Variants in TBX15 observed in about 807,000 individuals in gnomAD.
TBX15 encodes the protein T-box transcription factor 15, also known as T-box transcription factor TBX15.
In TBX15, 18 loss-of-function variants were observed where a neutral mutation model predicts 53.9. That is an observed-to-expected ratio of 0.33 (90% CI 0.23 to 0.49). TBX15 has a LOEUF of 0.49. Ranked by LOEUF, TBX15 falls within the 20% of genes least tolerant of loss-of-function variation. The probability of loss-of-function intolerance (pLI) is 0.98; values close to 1 mark genes in which losing one functional copy is unlikely to be tolerated. For missense variants in TBX15, 692 were observed against 749.5 expected (o/e 0.92, Z 0.90); for synonymous variants, 295 against 278.0 (o/e 1.06, Z -0.61).
At chr1:118,916,026 T>C (rs1655208424) in intron 5 of TBX15, among the ~76,000 whole-genome samples, 1 of 152,208 alleles carries the variant, frequency 6.6e-6, no homozygotes, top group African/African-American at 2.4e-5. Context: ...TTAGGGAGCT[T>C]TATGAAGAGA....
chr1:118,982,501 A>G (rs189122719), intron 1 of TBX15, among the ~76,000 whole-genome samples: 4 of 152,214 alleles, frequency 2.6e-5, no homozygotes, highest in Admixed American at 6.5e-5. Context: ...CTTGTGGCCT[A>G]ATATGAGGGT....
In TBX15 at chr1:118,987,950, C is replaced by T. The variant is rs376544041; in HGVS notation, c.-155G>A. 190 of 869,832 alleles carry T rather than the reference C, an allele frequency of 2.2e-4. No homozygotes were observed. The African/African-American group carries it at 2.6e-3, about 12-fold the overall frequency. The allele number at this position is 869,832 out of a possible 1,614,324, so 53.9% of individuals were successfully genotyped here. ...GGCTCGCGGGTCTCTCCACCCTCCC[C>T]CTGCGTCCTCCTCCGCCCTCCTCTG... is the stretch of plus-strand genomic sequence containing the variant. On this transcript the variant is annotated 5_prime_UTR_variant, in exon 1 of 8. Coordinates refer to ENST00000369429, the MANE Select transcript of TBX15 (RefSeq NM_001330677.2).
intron 5 of TBX15, among the ~76,000 whole-genome samples, chr1:118,919,061 T>C (rs1479118235): frequency 6.6e-6 from 1 of 152,198 alleles, no homozygotes; most frequent in Non-Finnish European, 1.5e-5. Context: ...AGAAATCCTA[T>C]TGGATTTGCT....
intron 1 of TBX15, among the ~76,000 whole-genome samples, chr1:118,958,487 T>C (rs186149881): frequency 2.0e-4 from 30 of 152,342 alleles, no homozygotes; most frequent in Non-Finnish European, 3.7e-4. Flanking sequence ...ATCACGCCAA[T>C]ATTTTGATGT....
chr1:118,885,888 C>T (rs1440182196), intron 7 of TBX15, among the ~76,000 whole-genome samples: 1 of 152,222 alleles, frequency 6.6e-6, no homozygotes, highest in African/African-American at 2.4e-5. Flanking sequence ...CCTCTGATGT[C>T]AGCATTAAAA....
At chr1:118,980,163 C>A (rs1657599854) in intron 1 of TBX15, among the ~76,000 whole-genome samples, 1 of 151,980 alleles carries the variant, frequency 6.6e-6, no homozygotes, top group South Asian at 2.1e-4. Flanking sequence ...TTTCATCGTG[C>A]GTGGAGGAAA....
chr1:118,945,514 A>T (rs1173008652), intron 1 of TBX15, among the ~76,000 whole-genome samples: 1 of 152,140 alleles, frequency 6.6e-6, no homozygotes, highest in African/African-American at 2.4e-5. Context: ...GCTTTTTCTC[A>T]ATTGACCCCA....
chr1:118,959,715 G>A (rs991446227), intron 1 of TBX15, among the ~76,000 whole-genome samples: 3 of 152,198 alleles, frequency 2.0e-5, no homozygotes, highest in East Asian at 1.9e-4. Context: ...TTCAGTGAGC[G>A]AGGGGAGCTA....
intron 1 of TBX15, among the ~76,000 whole-genome samples, chr1:118,977,059 C>T (rs988108951): frequency 2.6e-5 from 4 of 152,076 alleles, no homozygotes; most frequent in African/African-American, 9.7e-5. Context: ...TTTATTATTC[C>T]AATTTCATAG....
chr1:118,886,639 T>C (rs1180611138), intron 7 of TBX15, among the ~76,000 whole-genome samples: 1 of 152,200 alleles, frequency 6.6e-6, no homozygotes, highest in Non-Finnish European at 1.5e-5. Context: ...ACAACCCAAA[T>C]TCCTCATTTC....
At chr1:118,888,831 C>G (rs542241222) in intron 7 of TBX15, among the ~76,000 whole-genome samples, 1 of 151,650 alleles carries the variant, frequency 6.6e-6, no homozygotes, top group African/African-American at 2.4e-5. Context: ...TGACTTCCTA[C>G]AACTCTAAAT....
intron 6 of TBX15, among the ~76,000 whole-genome samples, chr1:118,911,533 A>C (rs989763577): frequency 6.6e-6 from 1 of 152,222 alleles, no homozygotes. Context: ...CAGCACTTGA[A>C]CTGAGATGTC....
At chr1:118,952,122 G>A (rs1225761591) in intron 1 of TBX15, among the ~76,000 whole-genome samples, 2 of 152,168 alleles carry the variant, frequency 1.3e-5, no homozygotes, top group African/African-American at 4.8e-5. Flanking sequence ...ATGAAGGCCT[G>A]TGATAATCCA....
chr1:118,936,684 C>A (rs1655982052), intron 1 of TBX15, among the ~76,000 whole-genome samples: 1 of 152,112 alleles, frequency 6.6e-6, no homozygotes, highest in Non-Finnish European at 1.5e-5. Context: ...CATTATTGAG[C>A]TCTTACTATT....
chr1:118,928,527 A>C lies in TBX15; in HGVS notation c.420-1916T>G, dbSNP rs79904226. ...AAACTTGATCTACACATTTAAATAC[A>C]GATAAGTAATTCCCTTCTTAATAAC... On this transcript the variant is annotated intron_variant, in intron 2 of 7. Transcript: ENST00000369429. 2.2e-4 allele frequency among the ~76,000 whole-genome samples: 34 copies of C among 152,338 alleles called. No individual in the cohort carries two copies. In the East Asian group the frequency reaches 5.4e-3, roughly 24 times the overall value.
At chr1:118,952,412 T>C (rs1656544735) in intron 1 of TBX15, among the ~76,000 whole-genome samples, 1 of 147,890 alleles carries the variant, frequency 6.8e-6, no homozygotes, top group Non-Finnish European at 1.5e-5. Flanking sequence ...GAAAGAAAAA[T>C]TTAGAAAAAA....
intron 4 of TBX15, among the ~76,000 whole-genome samples, chr1:118,923,845 T>C (rs1655506921): frequency 6.6e-6 from 1 of 152,198 alleles, no homozygotes; most frequent in Non-Finnish European, 1.5e-5. Flanking sequence ...TTTGCTTCAA[T>C]TGGATAATGC....
chr1:118,923,368 C>G, intron 5 of TBX15, 68 bp downstream of exon 5: 1 of 1,593,234 alleles, frequency 6.3e-7, no homozygotes, highest in South Asian at 1.1e-5. Context: ...TAAATAATAC[C>G]TAAGGAATCT....
chr1:118,965,204 TG>T (rs953882869), intron 1 of TBX15, among the ~76,000 whole-genome samples: 2 of 152,152 alleles, frequency 1.3e-5, no homozygotes, highest in African/African-American at 4.8e-5. Context: ...AAGTAATGAT[TG>T]GTAATAAATG....
Sources: gnomAD v4.1 joint callset for allele counts (sites outside exome capture counted in the v4.1 genomes callset) on GRCh38, gnomAD v4.1.1 for gene constraint, MANE v1.5 for transcripts, NCBI Gene and HGNC (gene_info 2026-07-23, HGNC 2026-07-21) for gene names.